DLG1: variants seen among roughly 807,000 people sequenced by gnomAD.
The protein encoded by DLG1 is discs large MAGUK scaffold protein 1.
Under a neutral mutation model 123.4 loss-of-function variants are expected in DLG1, and 42 were observed. The ratio of observed to expected loss-of-function variants is 0.34; its 90% confidence interval spans 0.27 to 0.44. DLG1 has a LOEUF of 0.44. Among genes scored for constraint, DLG1 ranks in the 20% least tolerant of loss-of-function variants. DLG1 has a pLI of 1.00. For synonymous variants in DLG1, 317 were observed against 356.2 expected (o/e 0.89, Z 1.24); for missense variants, 942 against 1,082.6 (o/e 0.87, Z 1.82).
intron 4 of DLG1, among the ~76,000 whole-genome samples, chr3:197,220,664 T>C (rs60070626): frequency 0.15 from 22,117 of 152,100 alleles, 2,399 homozygotes; most frequent in African/African-American, 0.31. Context: ...GTACCCCACC[T>C]ATCCAGCAGA....
At chr3:197,054,511 A>C (rs1248577737) in intron 23 of DLG1, among the ~76,000 whole-genome samples, 1 of 152,052 alleles carries the variant, frequency 6.6e-6, no homozygotes, top group Non-Finnish European at 1.5e-5. Flanking sequence ...TGTCTGCTCA[A>C]ATCTCCCTGA....
rs187015097 is a variant in DLG1, at chr3:197,044,590, T to C, written c.*33A>G. 62 of 1,469,192 alleles carry C rather than the reference T, an allele frequency of 4.2e-5. No homozygotes were observed. The African/African-American group carries it at 6.8e-4, about 16-fold the overall frequency. 91.0% of individuals were successfully genotyped at this position (1,469,192 alleles called of 1,614,324 possible). On this transcript the variant is annotated 3_prime_UTR_variant, in exon 25 of 25. Transcript: ENST00000667157. ...CAAAGAGATGCCAAAGAAAATGGAA[T>C]TGTGGAAAAGAGAAACAGAGAAACA...
At chr3:197,121,499 G>A (rs1560826185) in intron 11 of DLG1, among the ~76,000 whole-genome samples, 1 of 152,034 alleles carries the variant, frequency 6.6e-6, no homozygotes, top group East Asian at 1.9e-4. Flanking sequence ...TTAAAAGCGA[G>A]AAAATATATA....
chr3:197,137,201 CT>C (rs1257645578), intron 9 of DLG1, among the ~76,000 whole-genome samples: 2 of 152,116 alleles, frequency 1.3e-5, no homozygotes, highest in Non-Finnish European at 2.9e-5. Context: ...CTCTCCATTC[CT>C]TTTTCATTTG....
chr3:197,266,754 A>G (rs552072470), intron 4 of DLG1, among the ~76,000 whole-genome samples: 1 of 152,148 alleles, frequency 6.6e-6, no homozygotes, highest in African/African-American at 2.4e-5. Context: ...ACATAGCAAC[A>G]GCAATTGTCT....
At chr3:197,138,678 C>T (rs1055965082) in intron 8 of DLG1, among the ~76,000 whole-genome samples, 2 of 152,130 alleles carry the variant, frequency 1.3e-5, no homozygotes, top group African/African-American at 2.4e-5. Flanking sequence ...TTCCTGCATG[C>T]TTATTCTGTG....
In DLG1 at chr3:197,267,072, G is replaced by A. The variant is rs769271414; in HGVS notation, c.318+15607C>T. Among the ~76,000 whole-genome samples the A allele has an allele frequency of 7.4e-4, 113 of 152,142 alleles. 1 individual carries two copies. The highest frequency in any genetic ancestry group is 1.3e-3 in the Non-Finnish European group (88 of 68,012). On this transcript the variant is annotated intron_variant, in intron 4 of 24. Transcript: ENST00000667157. Reference sequence around the variant, plus strand: ...GAGGTTAATTCTGGGGAACAAGGCAGGAGAACGTGATTACAGTGGAAAACA... The same window carrying A: ...GAGGTTAATTCTGGGGAACAAGGCAAGAGAACGTGATTACAGTGGAAAACA...
intron 18 of DLG1, among the ~76,000 whole-genome samples, chr3:197,073,307 G>T (rs1745227129): frequency 1.3e-5 from 2 of 152,160 alleles, no homozygotes; most frequent in South Asian, 4.1e-4. Flanking sequence ...GTACAACATG[G>T]AAAGTTGTAA....
At chr3:197,296,838 T>C in intron 2 of DLG1, 2 of 345,478 alleles carry the variant, frequency 5.8e-6, no homozygotes, top group Middle Eastern at 8.1e-4. Context: ...TCCAAATTTT[T>C]AACATTTCAA....
At position 197,233,475 on chromosome 3, in the gene DLG1, G is replaced by A. The variant is rs147959773; in HGVS notation, c.319-38886C>T. ...GATCTCAGCTCACTGCAACCTCCAC[G>A]TCGCAGGTTCAAGCAATTCTCCTGC... On this transcript the variant is annotated intron_variant, in intron 4 of 24. Coordinates refer to ENST00000667157, the MANE Select transcript of DLG1 (RefSeq NM_001366207.1). 4.7e-4 allele frequency among the ~76,000 whole-genome samples: 72 copies of A among 152,224 alleles called. 1 individual carries two copies. Among genetic ancestry groups the A allele is most frequent in the Middle Eastern group, 6.8e-3 (2 of 294 alleles).
intron 4 of DLG1, among the ~76,000 whole-genome samples, chr3:197,280,292 A>G (rs1217928429): frequency 1.3e-5 from 2 of 152,126 alleles, no homozygotes; most frequent in African/African-American, 4.8e-5. Context: ...ATGTTGCTGC[A>G]AATGACAGGA....
Position 197,298,476 on chromosome 3 carries a change from G to C in DLG1, c.-32+60C>G, listed in dbSNP as rs774394205. On this transcript the variant is annotated intron_variant, in intron 1 of 24. Coordinates refer to ENST00000667157, the MANE Select transcript of DLG1 (RefSeq NM_001366207.1). ...CGAACTAAACGCGCCAGGCCGGGAA[G>C]GCTCGGGCTGTCTGAAGAGAGGCGT... 6.5e-5 allele frequency: 26 copies of C among 398,806 alleles called. No homozygotes were observed. In the East Asian group the frequency reaches 8.9e-4, roughly 14 times the overall value. 24.7% of individuals were successfully genotyped at this position (398,806 alleles called of 1,614,324 possible). A position where few individuals can be genotyped will look rare whatever the true frequency, so the allele number is the denominator to read the frequency against.
Position 197,138,353 on chromosome 3 carries a change from A to G in DLG1, c.752T>C (p.Val251Ala). The change falls in exon 9 of 25, where the codon GTT becomes GCT. Residue 251 changes from valine to alanine, a missense_variant. Transcript: ENST00000667157. ...DCILRVNEVD[V>A]RDVTHSKAVE... is the part of the protein sequence containing the mutation. ...TGCTTTGCTATGTGTTACATCACGA[A>G]CATCTACTTCATTTACTCGTAATAT... 1 of 1,562,520 alleles carries G rather than the reference A, an allele frequency of 6.4e-7. No homozygotes were observed.
intron 4 of DLG1, among the ~76,000 whole-genome samples, chr3:197,242,677 T>C (rs1749564945): frequency 1.3e-5 from 2 of 152,066 alleles, no homozygotes; most frequent in African/African-American, 4.8e-5. Flanking sequence ...AACATGCTCC[T>C]GAACAATGAA....
intron 17 of DLG1, chr3:197,080,625 C>CGGGCATTTATATTATATTATATTTATATA (rs1750543373): frequency 6.5e-6 from 1 of 154,714 alleles, no homozygotes; most frequent in African/African-American, 2.4e-5. Flanking sequence ...CCATGCCTGG[C>CGGGCATTTATATTATATTATATTTATATA]TAACTTTTAT....
rs574050029 is a variant in DLG1 at position 197,236,659 on chromosome 3, G to C, written c.319-42070C>G. Among the ~76,000 whole-genome samples, 9 of 152,238 alleles carry C rather than the reference G, an allele frequency of 5.9e-5. No individual in the cohort carries two copies. In the East Asian group the frequency reaches 1.4e-3, roughly 23 times the overall value. ...TTTCAAAGGTGGGTTGTCCCTAAAG[G>C]GGGACAGGGGAAAGCTACAGCTGCA... On this transcript the variant is annotated intron_variant, in intron 4 of 24. Transcript: ENST00000667157.
At chr3:197,291,893 T>C (rs1047499421) in intron 3 of DLG1, among the ~76,000 whole-genome samples, 1 of 152,226 alleles carries the variant, frequency 6.6e-6, no homozygotes, top group South Asian at 2.1e-4. Flanking sequence ...TATTATGTTT[T>C]ACATACACTT....
intron 4 of DLG1, among the ~76,000 whole-genome samples, chr3:197,243,132 T>G (rs1204447278): frequency 6.6e-6 from 1 of 152,216 alleles, no homozygotes; most frequent in Non-Finnish European, 1.5e-5. Context: ...CCTGTTTCTG[T>G]GTCCTCCCCC....
At chr3:197,058,849 T>C (rs1733754989) in intron 23 of DLG1, among the ~76,000 whole-genome samples, 1 of 152,246 alleles carries the variant, frequency 6.6e-6, no homozygotes, top group Non-Finnish European at 1.5e-5. Context: ...ATTTTTTGTT[T>C]TGAGAATGCT....
Sources: allele counts gnomAD v4.1 joint callset (sites outside exome capture counted in the v4.1 genomes callset), GRCh38; gene constraint gnomAD v4.1.1; transcripts MANE v1.5; gene names NCBI Gene and HGNC (gene_info 2026-07-23, HGNC 2026-07-21).